Variants in FOXJ2 observed in about 807,000 individuals in gnomAD.
FOXJ2 encodes forkhead box protein J2.
Under a neutral mutation model 68.4 loss-of-function variants are expected in FOXJ2, and 18 were observed. The ratio of observed to expected loss-of-function variants is 0.26; its 90% CI spans 0.18 to 0.39. The LOEUF (loss-of-function observed/expected upper bound fraction) is 0.39, where lower values mean the gene tolerates loss of function less well. Among genes scored for constraint, FOXJ2 ranks in the 10% least tolerant of loss-of-function variants. The probability of loss-of-function intolerance (pLI) is 1.00; values close to 1 mark genes in which losing one functional copy is unlikely to be tolerated. For missense variants in FOXJ2, 670 were observed against 726.5 expected (o/e 0.92, Z 0.89); for synonymous variants, 274 against 263.2 (o/e 1.04, Z -0.40).
rs1329091143 is a variant in FOXJ2, at chr12:8,053,100, T to C, written c.*250T>C. ...ATTATTCTTATATTATTATTATTAT[T>C]ATTGGTTATATACTGTCCATAGTCT... is the stretch of plus-strand genomic sequence containing the variant. On this transcript the variant is annotated 3_prime_UTR_variant, in exon 11 of 11. Coordinates refer to ENST00000162391, the MANE Select transcript of FOXJ2 (RefSeq NM_018416.3). This position sits in a 1 kb window ranked among gnomAD's most constrained non-coding sequence, Gnocchi z 4.1. The C allele has an allele frequency of 6.0e-6, 1 of 168,006 alleles. No individual in the cohort carries two copies. The highest frequency in any genetic ancestry group is 2.4e-5 in the African/African-American group (1 of 41,876). 10.4% of individuals were successfully genotyped at this position (168,006 alleles called of 1,614,324 possible).
Position 8,048,749 on chromosome 12 carries a change from G to T in FOXJ2, c.1278G>T (p.Lys426Asn). Residue 426 changes from lysine (K) to asparagine (N), a missense_variant, in exon 8 of 11, where the codon AAG becomes AAT. Transcript: ENST00000162391. ...TTGACTCTTTAAAGGAAAGCTTCAA[G>T]ATGGTGAATCGGCTCAATTGGTCCA... ...SNIDSLKESF[K>N]MVNRLNWSSI... is the part of the protein sequence containing the mutation. 6.2e-7 allele frequency: 1 copy of T among 1,614,154 alleles called. No homozygotes were observed. The highest frequency in any genetic ancestry group is 8.5e-7 in the Non-Finnish European group (1 of 1,180,032).
intron 10 of FOXJ2, 81 bp from the exon 11 acceptor site, chr12:8,052,681 G>T: frequency 8.2e-7 from 1 of 1,214,304 alleles, no homozygotes; most frequent in Admixed American, 2.0e-5. Flanking sequence ...GGTGTTATCT[G>T]GGGCTGAGCA....
rs1023462275 is a variant in FOXJ2, at chr12:8,032,771, C to T, written c.-1077C>T. Reference sequence around the variant, plus strand: ...GCCGAGCCCTGACACTGTCTGCCCGCCTTCTGGCTCCCCGGGAGCCCAGAC... The same window carrying T: ...GCCGAGCCCTGACACTGTCTGCCCGTCTTCTGGCTCCCCGGGAGCCCAGAC... On this transcript the variant is annotated 5_prime_UTR_variant, in exon 1 of 11. Transcript: ENST00000162391. This position sits in a 1 kb window ranked among gnomAD's most constrained non-coding sequence, Gnocchi z 4.8. The T allele has an allele frequency of 2.0e-5, 8 of 397,928 alleles. No individual in the cohort carries two copies. Among genetic ancestry groups the T allele is most frequent in the Non-Finnish European group, 3.1e-5 (7 of 225,712 alleles). 24.6% of individuals were successfully genotyped at this position (397,928 alleles called of 1,614,324 possible).
rs1174912930 is a variant in FOXJ2 at position 8,032,928 on chromosome 12, A to C, written c.-920A>C. 3.3e-5 allele frequency: 13 copies of C among 397,450 alleles called. No homozygotes were observed. In the Middle Eastern group the frequency reaches 2.5e-3, roughly 77 times the overall value. The allele number at this position is 397,450 out of a possible 1,614,324, so 24.6% of individuals were successfully genotyped here. ...GGAGTCTCGAGCCGCGGCCTCCCGGACCGTGCTGCCCAGGCCAGCTCAGGG... is the reference window on the plus strand; with the variant it reads ...GGAGTCTCGAGCCGCGGCCTCCCGGCCCGTGCTGCCCAGGCCAGCTCAGGG... On this transcript the variant is annotated 5_prime_UTR_variant, in exon 1 of 11. Transcript: ENST00000162391. The surrounding 1 kb of genome is among the most constrained non-coding windows in gnomAD (Gnocchi z 4.8).
Position 8,048,694 on chromosome 12 carries a change from C to G in FOXJ2, c.1226-3C>G. The stretch of plus-strand genomic sequence containing the variant: ...ATTATCCACTTTCCCCTCCTCTTTA[C>G]AGCCTTTCCTTCTGACTGGTGCTCT... On this transcript the variant is annotated splice_polypyrimidine_tract_variant and splice_region_variant and intron_variant, in intron 7 of 10. Transcript: ENST00000162391. 1 of 1,613,348 alleles carries G rather than the reference C, an allele frequency of 6.2e-7. No homozygotes were observed.
rs1947168161 is a variant in FOXJ2, at chr12:8,054,916, G to A, written c.*2066G>A. 6.6e-6 allele frequency: 1 copy of A among 152,218 alleles called. No homozygotes were observed. Among genetic ancestry groups the A allele is most frequent in the South Asian group, 2.1e-4 (1 of 4,830 alleles). The allele number at this position is 152,218 out of a possible 1,614,324, so 9.4% of individuals were successfully genotyped here. A position where few individuals can be genotyped will look rare whatever the true frequency, so the allele number is the denominator to read the frequency against. On this transcript the variant is annotated 3_prime_UTR_variant, in exon 11 of 11. Coordinates refer to ENST00000162391, the MANE Select transcript of FOXJ2 (RefSeq NM_018416.3). The stretch of plus-strand genomic sequence containing the variant: ...CCCTTTTCCTGTTCAGATCCATACA[G>A]GATTTGCAAGGGTAGGATCATACAT...
rs140318415 is a variant in FOXJ2 at position 8,044,950 on chromosome 12, C to T, written c.809C>T (p.Ser270Phe). 10 of 1,614,096 alleles carry T rather than the reference C, an allele frequency of 6.2e-6. No individual in the cohort carries two copies. The highest frequency in any genetic ancestry group is 7.6e-6 in the Non-Finnish European group (9 of 1,180,026). Residue 270 changes from serine to phenylalanine, a missense_variant, in exon 6 of 11, where the codon TCT becomes TTT. Transcript: ENST00000162391. The stretch of plus-strand genomic sequence containing the variant: ...ATGCTGGAGAAGTCCTCTTCCTCCT[C>T]TCAGCACGGTGAGTCTGGAGTTGGG... ...KSMLEKSSSSSQHGFSSLLGD... is the reference protein window; with the variant it reads ...KSMLEKSSSSFQHGFSSLLGD...
chr12:8,051,516 G>A (rs1947126233), intron 10 of FOXJ2, among the ~76,000 whole-genome samples: 1 of 152,198 alleles, frequency 6.6e-6, no homozygotes, highest in Non-Finnish European at 1.5e-5. Context: ...CAACATTTTT[G>A]TGTGGCTTTG....
At chr12:8,052,455 T>C (rs1947138793) in intron 10 of FOXJ2, among the ~76,000 whole-genome samples, 10 of 152,202 alleles carry the variant, frequency 6.6e-5, no homozygotes, top group Admixed American at 6.5e-4. Flanking sequence ...CCTGACCTCG[T>C]GATCCGCCTG....
At position 8,043,734 on chromosome 12, in the gene FOXJ2, A is replaced by G. The variant is rs1338631311; in HGVS notation, c.442A>G (p.Ile148Val). ...TTGGACAATTGACACCTGCCCTGAC[A>G]TTTCCCGAAAGAGAAGACACCCTCC... ...SYWTIDTCPD[I>V]SRKRRHPPDD... The change falls in exon 4 of 11, where the codon ATT (isoleucine) becomes GTT (valine). Residue 148 changes from isoleucine to valine, a missense_variant. This residue lies in a region of FOXJ2 where 555 missense variants were observed against 562.2 expected (regional missense o/e 0.99). Coordinates refer to ENST00000162391, the MANE Select transcript of FOXJ2 (RefSeq NM_018416.3). The G allele has an allele frequency of 2.5e-6, 4 of 1,613,974 alleles. No individual in the cohort carries two copies. The highest frequency in any genetic ancestry group is 1.3e-5 in the African/African-American group (1 of 74,886).
At chr12:8,050,664 A>T in intron 10 of FOXJ2, 44 bp downstream of exon 10, 1 of 1,608,170 alleles carries the variant, frequency 6.2e-7, no homozygotes, top group East Asian at 2.2e-5. Context: ...TACTCTGATG[A>T]GTTGCTTTGC....
chr12:8,044,696 T>C (rs1947010393), intron 5 of FOXJ2, 64 bp from the exon 6 acceptor site: 7 of 1,559,082 alleles, frequency 4.5e-6, no homozygotes, highest in African/African-American at 1.4e-5. Context: ...CTGGTGACCA[T>C]TGAAGGGTTT....
At chr12:8,049,312 G>A in intron 8 of FOXJ2, 50 bp from the exon 9 acceptor site, 2 of 1,516,874 alleles carry the variant, frequency 1.3e-6, no homozygotes, top group Non-Finnish European at 1.8e-6. Context: ...GGGTCTGATA[G>A]GGGCTTCCTA....
chr12:8,039,341 A>G (rs184622681), intron 1 of FOXJ2, among the ~76,000 whole-genome samples: 13 of 152,034 alleles, frequency 8.6e-5, no homozygotes, highest in Non-Finnish European at 1.5e-4. Flanking sequence ...TCATCCGTGT[A>G]TGTTTGTATT....
In FOXJ2 at chr12:8,038,040, C is replaced by T. The variant is rs1479169373; in HGVS notation, c.-14-1779C>T. ...AACATGCCAGCCCCCCTCGCTCCGC[C>T]CCTTTTCTCCTGTCAAACAATTCTT... On this transcript the variant is annotated intron_variant, in intron 1 of 10. Coordinates refer to ENST00000162391, the MANE Select transcript of FOXJ2 (RefSeq NM_018416.3). This position sits in a 1 kb window ranked among gnomAD's most constrained non-coding sequence, Gnocchi z 5.3. Among the ~76,000 whole-genome samples, 1 of 152,194 alleles carries T rather than the reference C, an allele frequency of 6.6e-6. No individual in the cohort carries two copies. The highest frequency in any genetic ancestry group is 1.5e-5 in the Non-Finnish European group (1 of 68,040).
chr12:8,048,149 T>G lies in FOXJ2; in HGVS notation c.1085T>G (p.Val362Gly). 6.2e-7 allele frequency: 1 copy of G among 1,613,886 alleles called. No individual in the cohort carries two copies. The highest frequency in any genetic ancestry group is 8.5e-7 in the Non-Finnish European group (1 of 1,179,900). The change falls in exon 7 of 11, where the codon GTA becomes GGA. Residue 362 changes from valine to glycine, a missense_variant. Val to Gly is a moderately radical substitution (Grantham distance 109). Coordinates refer to ENST00000162391, the MANE Select transcript of FOXJ2 (RefSeq NM_018416.3). ...AGAEGYGPPP[V>G]MAMHPPPLQH... is the part of the protein sequence containing the mutation. The stretch of plus-strand genomic sequence containing the variant: ...GCGGAAGGCTATGGGCCTCCCCCTG[T>G]AATGGCCATGCATCCACCCCCGCTG...
At position 8,038,876 on chromosome 12, in the gene FOXJ2, G is replaced by A. The variant is rs182649518; in HGVS notation, c.-14-943G>A. Among the ~76,000 whole-genome samples the A allele has an allele frequency of 2.0e-4, 31 of 152,306 alleles. No homozygotes were observed. The highest frequency in any genetic ancestry group is 1.9e-3 in the East Asian group (10 of 5,184). On this transcript the variant is annotated intron_variant, in intron 1 of 10. Coordinates refer to ENST00000162391, the MANE Select transcript of FOXJ2 (RefSeq NM_018416.3). This position sits in a 1 kb window ranked among gnomAD's most constrained non-coding sequence, Gnocchi z 5.3. Reference sequence around the variant, plus strand: ...GGAAGGAAGGAGGGAGGAGGAGGGCGGAGAAGGGGAGCCAGCTCCGAGCTC... The same window carrying A: ...GGAAGGAAGGAGGGAGGAGGAGGGCAGAGAAGGGGAGCCAGCTCCGAGCTC...
Position 8,043,951 on chromosome 12 carries a change from C to A in FOXJ2, c.478C>A (p.Leu160Met). The change falls in exon 5 of 11, where the codon CTG becomes ATG. Residue 160 changes from leucine (L) to methionine (M), a missense_variant and splice_region_variant. Leu to Met is a conservative substitution (Grantham distance 15). Around this residue, in one of 2 missense-constraint regions of FOXJ2, gnomAD observed 555 missense variants for 562.2 expected, o/e 0.99. Coordinates refer to ENST00000162391, the MANE Select transcript of FOXJ2 (RefSeq NM_018416.3). ...RKRRHPPDDD[L>M]SQDSPEQEAS... is the part of the protein sequence containing the mutation. Reference sequence around the variant, plus strand: ...ATTTCTTTTTTTTCACAACCCTCAGCTGTCCCAAGACTCACCAGAACAGGA... The same window carrying A: ...ATTTCTTTTTTTTCACAACCCTCAGATGTCCCAAGACTCACCAGAACAGGA... The A allele has an allele frequency of 6.4e-7, 1 of 1,554,566 alleles. No homozygotes were observed. Among genetic ancestry groups the A allele is most frequent in the Non-Finnish European group, 8.7e-7 (1 of 1,154,080 alleles).
At chr12:8,042,516 G>A (rs1261620350) in intron 2 of FOXJ2, 142 bp from the exon 3 acceptor site, 3 of 588,910 alleles carry the variant, frequency 5.1e-6, no homozygotes, top group East Asian at 5.9e-5. Context: ...CCCTCCATCG[G>A]TGTAGTTAAG....
Sources: allele counts gnomAD v4.1 joint callset (sites outside exome capture counted in the v4.1 genomes callset), GRCh38; gene constraint gnomAD v4.1.1; regional missense constraint gnomAD v4.1.1; non-coding constraint Gnocchi (gnomAD v3.1); transcripts MANE v1.5; gene names NCBI Gene and HGNC (gene_info 2026-07-23, HGNC 2026-07-21).